FARP1: variants seen among roughly 807,000 people sequenced by gnomAD.
FARP1 encodes FERM, ARHGEF and pleckstrin domain-containing protein 1.
Under a neutral mutation model 128.8 loss-of-function variants are expected in FARP1, and 52 were observed. The observed-to-expected ratio is 0.40, with a 90% CI of 0.32 to 0.51. FARP1 has a LOEUF of 0.51. Among genes scored for constraint, FARP1 ranks in the 20% least tolerant of loss-of-function variants. The pLI is 0.45. For missense variants in FARP1, 1,333 were observed against 1,367.9 expected (o/e 0.97, Z 0.40); for synonymous variants, 580 against 551.8 (o/e 1.05, Z -0.72).
chr13:98,177,628 C>T (rs1878183288), intron 1 of FARP1, among the ~76,000 whole-genome samples: 2 of 150,756 alleles, frequency 1.3e-5, no homozygotes, highest in Admixed American at 6.6e-5. Flanking sequence ...GCCTGGGTGA[C>T]AGAGCGAGAC....
chr13:98,179,724 G>A (rs1477250564), intron 1 of FARP1, among the ~76,000 whole-genome samples: 1 of 152,004 alleles, frequency 6.6e-6, no homozygotes, highest in Non-Finnish European at 1.5e-5. Flanking sequence ...GGGCGTGGTG[G>A]CGGGTGCCTG....
intron 17 of FARP1, among the ~76,000 whole-genome samples, 155 bp from the exon 18 acceptor site, chr13:98,430,888 A>G (rs1023219039): frequency 6.6e-6 from 1 of 152,246 alleles, no homozygotes; most frequent in South Asian, 2.1e-4. Flanking sequence ...AAATAACAAA[A>G]AGAGTGAACT....
In FARP1 at chr13:98,397,919, A is replaced by AAAAG. The variant is rs61501785; in HGVS notation, c.1414+2443_1414+2444insAAAG. 6 of 124,328 alleles carry AAAAG rather than the reference A, an allele frequency of 4.8e-5. No individual in the cohort carries two copies. In the East Asian group the frequency reaches 6.6e-4, roughly 14 times the overall value. The allele number at this position is 124,328 out of a possible 1,614,324, so 7.7% of individuals were successfully genotyped here. A position where few individuals can be genotyped will look rare whatever the true frequency, so the allele number is the denominator to read the frequency against. Reference sequence around the variant, plus strand: ...TTTTTTGAAAAAAAAAAAAAAAAAAAGATAAATTGTAGAATAAAATTTTTA... The same window carrying AAAAG: ...TTTTTTGAAAAAAAAAAAAAAAAAAAAAAGGATAAATTGTAGAATAAAATTTTTA... On this transcript the variant is annotated intron_variant, in intron 13 of 26. Coordinates refer to ENST00000319562, the MANE Select transcript of FARP1 (RefSeq NM_005766.4).
intron 1 of FARP1, among the ~76,000 whole-genome samples, chr13:98,196,666 C>T (rs887342111): frequency 6.6e-6 from 1 of 152,184 alleles, no homozygotes; most frequent in Non-Finnish European, 1.5e-5. Context: ...TGATTTTTCT[C>T]TTTGTCATGC....
At chr13:98,218,801 A>G (rs1881252157) in intron 2 of FARP1, among the ~76,000 whole-genome samples, 1 of 152,242 alleles carries the variant, frequency 6.6e-6, no homozygotes, top group South Asian at 2.1e-4. Context: ...ACCATGGGAA[A>G]TGGAAGACGG....
intron 1 of FARP1, among the ~76,000 whole-genome samples, chr13:98,200,396 C>CCCCGCCCCGG (rs1555327094): frequency 1.4e-5 from 2 of 147,044 alleles, no homozygotes; most frequent in African/African-American, 5.1e-5. Context: ...CACCCCCCCC[C>CCCCGCCCCGG]CCTCCCCTTT....
chr13:98,315,953 C>T (rs1886700247), intron 2 of FARP1, among the ~76,000 whole-genome samples: 1 of 152,168 alleles, frequency 6.6e-6, no homozygotes, highest in Non-Finnish European at 1.5e-5. Flanking sequence ...ATGTTCAGGC[C>T]TCTCCCTCCT....
Position 98,379,096 on chromosome 13 carries a change from A to C in FARP1, c.496+1178A>C, listed in dbSNP as rs1377626893. Among the ~76,000 whole-genome samples, 14 of 75,110 alleles carry C rather than the reference A, an allele frequency of 1.9e-4. 3 individuals carry two copies. The highest frequency in any genetic ancestry group is 8.4e-4 in the East Asian group (3 of 3,580). 49.3% of individuals were successfully genotyped at this position (75,110 alleles called of 152,430 possible). A position where few individuals can be genotyped will look rare whatever the true frequency, so the allele number is the denominator to read the frequency against. ...ATGTAATATGTAATCTATATATAATATATATATAATATATAATCTATATAT... is the reference window on the plus strand; with the variant it reads ...ATGTAATATGTAATCTATATATAATCTATATATAATATATAATCTATATAT... On this transcript the variant is annotated intron_variant, in intron 6 of 26. Coordinates refer to ENST00000319562, the MANE Select transcript of FARP1 (RefSeq NM_005766.4).
At chr13:98,303,699 G>C (rs1886014366) in intron 2 of FARP1, among the ~76,000 whole-genome samples, 1 of 152,146 alleles carries the variant, frequency 6.6e-6, no homozygotes, top group Non-Finnish European at 1.5e-5. Flanking sequence ...TATGTATATG[G>C]GAAAATCTCA....
At chr13:98,268,499 G>A (rs569456266) in intron 2 of FARP1, among the ~76,000 whole-genome samples, 2 of 152,086 alleles carry the variant, frequency 1.3e-5, no homozygotes, top group Admixed American at 6.6e-5. Flanking sequence ...ATGGAGTCTC[G>A]CTCTGTCACC....
At chr13:98,187,080 T>G (rs1481413779) in intron 1 of FARP1, among the ~76,000 whole-genome samples, 1 of 151,930 alleles carries the variant, frequency 6.6e-6, no homozygotes, top group Non-Finnish European at 1.5e-5. Flanking sequence ...CTTTTGAGTT[T>G]ATACCCAGAA....
chr13:98,247,641 C>A lies in FARP1; in HGVS notation c.171+34228C>A, dbSNP rs73555071. On this transcript the variant is annotated intron_variant, in intron 2 of 26. Coordinates refer to ENST00000319562, the MANE Select transcript of FARP1 (RefSeq NM_005766.4). ...CTGGGATCCAGGGCAGGGGAGGAAC[C>A]TTTCCCAGAGAAAGTTAGGAAGGTG... Among the ~76,000 whole-genome samples, 375 of 152,332 alleles carry A rather than the reference C, an allele frequency of 2.5e-3. 2 individuals are homozygous for A. Among genetic ancestry groups the A allele is most frequent in the African/African-American group, 8.6e-3 (356 of 41,578 alleles).
intron 2 of FARP1, among the ~76,000 whole-genome samples, chr13:98,325,297 T>A (rs1194744681): frequency 1.3e-5 from 2 of 152,228 alleles, no homozygotes; most frequent in African/African-American, 4.8e-5. Context: ...GATTACTAAC[T>A]TGGTTAATAA....
intron 3 of FARP1, among the ~76,000 whole-genome samples, chr13:98,345,034 T>C (rs1888122209): frequency 6.6e-6 from 1 of 152,192 alleles, no homozygotes; most frequent in South Asian, 2.1e-4. Flanking sequence ...GTAGTTACGG[T>C]TTCCATTCAC....
At chr13:98,315,300 T>A (rs1282342071) in intron 2 of FARP1, among the ~76,000 whole-genome samples, 3 of 152,008 alleles carry the variant, frequency 2.0e-5, no homozygotes, top group African/African-American at 7.2e-5. Context: ...GAGACAGAGA[T>A]CTCACTATAT....
chr13:98,272,901 G>T (rs930970391), intron 2 of FARP1, among the ~76,000 whole-genome samples: 3 of 152,188 alleles, frequency 2.0e-5, no homozygotes, highest in Non-Finnish European at 4.4e-5. Context: ...TTTGTCAAAA[G>T]CTAGAAGGGC....
Position 98,310,080 on chromosome 13 carries a change from G to GTTTT in FARP1, c.172-33673_172-33670dup, listed in dbSNP as rs35233382. 3.8e-3 allele frequency among the ~76,000 whole-genome samples: 560 copies of GTTTT among 146,394 alleles called. 4 individuals are homozygous for GTTTT. The highest frequency in any genetic ancestry group is 6.0e-3 in the East Asian group (30 of 5,028). On this transcript the variant is annotated intron_variant, in intron 2 of 26. Coordinates refer to ENST00000319562, the MANE Select transcript of FARP1 (RefSeq NM_005766.4). The stretch of plus-strand genomic sequence containing the variant: ...TTTTGTTCCACTTAATAGATTACAT[G>GTTTT]TTTTTTTTTTTTCCCATAATAGGCT...
chr13:98,330,712 G>A (rs534796422), intron 2 of FARP1, among the ~76,000 whole-genome samples: 17 of 151,506 alleles, frequency 1.1e-4, no homozygotes, highest in African/African-American at 3.9e-4. Context: ...CCAAGATCAC[G>A]CCACTGCACT....
At chr13:98,187,783 T>A (rs1343703418) in intron 1 of FARP1, among the ~76,000 whole-genome samples, 1 of 152,224 alleles carries the variant, frequency 6.6e-6, no homozygotes, top group East Asian at 1.9e-4. Flanking sequence ...TGGAGAGGGC[T>A]GTTGGGGACA....
Sources: allele counts gnomAD v4.1 joint callset (sites outside exome capture counted in the v4.1 genomes callset), GRCh38; gene constraint gnomAD v4.1.1; transcripts MANE v1.5; gene names NCBI Gene and HGNC (gene_info 2026-07-23, HGNC 2026-07-21).